Variants in ROBO2 observed in about 807,000 individuals in gnomAD.
ROBO2 encodes the protein roundabout homolog 2.
ROBO2 carries 53 observed loss-of-function variants against 160.8 expected under a neutral mutation model. The ratio of observed to expected loss-of-function variants is 0.33; its 90% confidence interval spans 0.26 to 0.41. The LOEUF (loss-of-function observed/expected upper bound fraction) is 0.41, where lower values mean the gene tolerates loss of function less well. Ranked by LOEUF, ROBO2 falls within the 10% of genes least tolerant of loss-of-function variation. The probability of loss-of-function intolerance (pLI) is 1.00; values close to 1 mark genes in which losing one functional copy is unlikely to be tolerated. For synonymous variants in ROBO2, 664 were observed against 611.7 expected (o/e 1.09, Z -1.26); for missense variants, 1,577 against 1,722.4 (o/e 0.92, Z 1.49).
chr3:77,496,482 C>A (rs2153603027), intron 5 of ROBO2, among the ~76,000 whole-genome samples: 1 of 152,252 alleles, frequency 6.6e-6, no homozygotes, highest in Non-Finnish European at 1.5e-5. Flanking sequence ...TTTTAGCCAA[C>A]CGTAGACTAA....
intron 2 of ROBO2, among the ~76,000 whole-genome samples, chr3:77,367,537 C>T (rs2071085812): frequency 6.6e-6 from 1 of 152,012 alleles, no homozygotes; most frequent in Non-Finnish European, 1.5e-5. Flanking sequence ...AGAAGACATT[C>T]AACATGAAAA....
At chr3:76,458,232 G>C (rs1577338100) in intron 2 of ROBO2, among the ~76,000 whole-genome samples, 1 of 152,082 alleles carries the variant, frequency 6.6e-6, no homozygotes, top group South Asian at 2.1e-4. Context: ...GTCACCTCTT[G>C]AATGCTTTGC....
intron 2 of ROBO2, among the ~76,000 whole-genome samples, chr3:76,497,292 C>T (rs2080204314): frequency 6.6e-6 from 1 of 152,128 alleles, no homozygotes; most frequent in Non-Finnish European, 1.5e-5. Context: ...ACCTCTCATG[C>T]TCAAGCAATC....
At chr3:76,929,895 C>T (rs1221428149) in intron 2 of ROBO2, among the ~76,000 whole-genome samples, 1 of 152,208 alleles carries the variant, frequency 6.6e-6, no homozygotes, top group African/African-American at 2.4e-5. Context: ...TCTGTGGTTT[C>T]CATTCACCTT....
intron 2 of ROBO2, among the ~76,000 whole-genome samples, chr3:75,977,802 A>G (rs543586626): frequency 6.6e-6 from 1 of 151,612 alleles, no homozygotes; most frequent in South Asian, 2.1e-4. Context: ...GCTATTGATT[A>G]TTTTCACTAT....
chr3:76,604,785 A>G (rs2087509546), intron 2 of ROBO2, among the ~76,000 whole-genome samples: 1 of 152,294 alleles, frequency 6.6e-6, no homozygotes, highest in African/African-American at 2.4e-5. Context: ...CAATTAGTAC[A>G]GCAATGTATA....
chr3:76,917,970 T>C (rs893790171), intron 2 of ROBO2, among the ~76,000 whole-genome samples: 3 of 152,128 alleles, frequency 2.0e-5, no homozygotes, highest in African/African-American at 7.2e-5. Flanking sequence ...TTATTTTAGT[T>C]AAGAAAATTA....
chr3:76,079,093 T>TA (rs771968214), intron 2 of ROBO2, among the ~76,000 whole-genome samples: 5 of 152,188 alleles, frequency 3.3e-5, no homozygotes, highest in East Asian at 1.9e-4. Flanking sequence ...ATGTGGGAGC[T>TA]AAAAAAATTG....
At chr3:76,661,695 G>T (rs1264924048) in intron 2 of ROBO2, among the ~76,000 whole-genome samples, 2 of 152,122 alleles carry the variant, frequency 1.3e-5, no homozygotes, top group South Asian at 2.1e-4. Flanking sequence ...TTAAGATAAG[G>T]GGGATTGTGG....
At chr3:76,893,822 C>G (rs184873798) in intron 2 of ROBO2, among the ~76,000 whole-genome samples, 405 of 152,168 alleles carry the variant, frequency 2.7e-3, no homozygotes, top group Middle Eastern at 6.8e-3. Context: ...ATACCCTCCT[C>G]CCACCGACCC....
At chr3:77,214,154 T>G (rs61373415) in intron 2 of ROBO2, among the ~76,000 whole-genome samples, 22,012 of 152,060 alleles carry the variant, frequency 0.14, 1,876 homozygotes, top group Middle Eastern at 0.21. Context: ...CTGTCTCGTT[T>G]ATCTGTCTAA....
At chr3:77,027,808 C>A (rs112605398) in intron 2 of ROBO2, among the ~76,000 whole-genome samples, 446 of 152,222 alleles carry the variant, frequency 2.9e-3, no homozygotes, top group African/African-American at 0.01. Flanking sequence ...AGGGAGGAAT[C>A]ACGGCTAAGC....
chr3:77,440,264 G>C (rs114230244), intron 2 of ROBO2, among the ~76,000 whole-genome samples: 1 of 152,180 alleles, frequency 6.6e-6, no homozygotes, highest in African/African-American at 2.4e-5. Flanking sequence ...TTGCTATCAC[G>C]TACTTATTGA....
intron 2 of ROBO2, among the ~76,000 whole-genome samples, chr3:76,458,168 CA>C (rs1456836691): frequency 6.6e-5 from 10 of 152,264 alleles, no homozygotes; most frequent in Middle Eastern, 3.4e-3. Flanking sequence ...ACACATTTTC[CA>C]AACTTTTATG....
At chr3:76,142,943 C>CAAAAAT (rs139542861) in intron 2 of ROBO2, among the ~76,000 whole-genome samples, 5,221 of 151,648 alleles carry the variant, frequency 0.034, 248 homozygotes, top group African/African-American at 0.098. Flanking sequence ...TATGTACCCA[C>CAAAAAT]AAAAATAAAA....
intron 2 of ROBO2, among the ~76,000 whole-genome samples, chr3:76,938,014 A>C (rs1456706211): frequency 6.6e-6 from 1 of 152,196 alleles, no homozygotes; most frequent in Non-Finnish European, 1.5e-5. Context: ...TGGAAATATC[A>C]TGGAACTCAT....
chr3:77,062,959 T>A (rs4588405), intron 1 of ROBO2, among the ~76,000 whole-genome samples: 39,812 of 152,042 alleles, frequency 0.26, 6,106 homozygotes, highest in East Asian at 0.62. Context: ...ACATTTTTTT[T>A]AATAATAAAG....
chr3:75,985,689 G>A (rs1424932650), intron 2 of ROBO2, among the ~76,000 whole-genome samples: 1 of 151,530 alleles, frequency 6.6e-6, no homozygotes, highest in African/African-American at 2.4e-5. Flanking sequence ...CTTTAGTCTT[G>A]TGAAACTGAA....
chr3:77,506,349 G>GA (rs1327956636), intron 5 of ROBO2, among the ~76,000 whole-genome samples: 2 of 152,156 alleles, frequency 1.3e-5, no homozygotes, highest in Non-Finnish European at 2.9e-5. Context: ...CTTTCTAAGA[G>GA]AAAGTAGTGC....
Sources: gnomAD v4.1 joint callset for allele counts (sites outside exome capture counted in the v4.1 genomes callset) on GRCh38, gnomAD v4.1.1 for gene constraint, MANE v1.5 for transcripts, NCBI Gene and HGNC (gene_info 2026-07-23, HGNC 2026-07-21) for gene names.